CELF2: variants seen among roughly 807,000 people sequenced by gnomAD.
CELF2 encodes the protein CUGBP Elav-like family member 2, also known as CUG triplet repeat RNA-binding protein 2.
CELF2 carries 8 observed loss-of-function variants against 62.6 expected under a neutral mutation model. That is an observed-to-expected ratio of 0.13 (90% CI 0.07 to 0.23). The LOEUF (loss-of-function observed/expected upper bound fraction) is 0.23. Among genes scored for constraint, CELF2 ranks in the 10% least tolerant of loss-of-function variants. The pLI, the probability that CELF2 is intolerant of heterozygous loss-of-function variation, is 1.00. For missense variants in CELF2, 333 were observed against 671.0 expected, an observed-to-expected ratio of 0.50 and a Z score of 5.56; for synonymous variants, 258 against 250.0, an observed-to-expected ratio of 1.03 and a Z score of -0.30.
At chr10:10,975,757 A>T (rs541464868) in intron 2 of CELF2, among the ~76,000 whole-genome samples, 2 of 152,362 alleles carry the variant, frequency 1.3e-5, no homozygotes, top group East Asian at 3.9e-4. Context: ...GCTGGGCTTA[A>T]CCCAGGCGGG....
At chr10:10,785,457 G>T in the CELF2 span, among the ~76,000 whole-genome samples, 1 of 152,166 alleles carries the variant, frequency 6.6e-6, no homozygotes, top group African/African-American at 2.4e-5. Flanking sequence ...CAATAGCCAA[G>T]ATACGGAGTC....
chr10:10,466,734 T>G, the CELF2 span, among the ~76,000 whole-genome samples: 3 of 152,152 alleles, frequency 2.0e-5, no homozygotes, highest in African/African-American at 7.2e-5. Context: ...GTCTTTTCAG[T>G]GTTAGCCATT....
chr10:10,501,429 T>C, the CELF2 span, among the ~76,000 whole-genome samples: 3 of 152,350 alleles, frequency 2.0e-5, no homozygotes, highest in South Asian at 6.2e-4. Flanking sequence ...CTCCTGTCTT[T>C]TGCCCACTTT....
intron 1 of CELF2, among the ~76,000 whole-genome samples, chr10:10,836,880 C>A (rs980305551): frequency 1.3e-5 from 2 of 152,220 alleles, no homozygotes; most frequent in African/African-American, 4.8e-5. Context: ...CGTGATCTGC[C>A]TGCCTTGTCC....
At chr10:10,530,304 A>G in the CELF2 span, among the ~76,000 whole-genome samples, 76,610 of 152,112 alleles carry the variant, frequency 0.5, 19,848 homozygotes, top group South Asian at 0.66. Flanking sequence ...CTCTGCTACA[A>G]GGGTTTGTGA....
At chr10:10,724,472 G>A in the CELF2 span, among the ~76,000 whole-genome samples, 1 of 152,088 alleles carries the variant, frequency 6.6e-6, no homozygotes, top group South Asian at 2.1e-4. Context: ...TGGCCAACAT[G>A]ATGAAACCCC....
At chr10:11,175,078 T>C (rs2070540318) in intron 2 of CELF2, among the ~76,000 whole-genome samples, 2 of 151,204 alleles carry the variant, frequency 1.3e-5, no homozygotes, top group South Asian at 4.1e-4. Flanking sequence ...CCGCCCCAAA[T>C]GCTAAACGTT....
At chr10:10,679,968 G>C in the CELF2 span, among the ~76,000 whole-genome samples, 7 of 152,010 alleles carry the variant, frequency 4.6e-5, no homozygotes, top group Non-Finnish European at 1.5e-5. Context: ...AAAATACTGA[G>C]ATATTATAAA....
Position 11,165,232 on chromosome 10 carries a change from C to T in CELF2, c.75-254C>T, listed in dbSNP as rs1565027810. On this transcript the variant is annotated intron_variant, in intron 1 of 12. Coordinates refer to ENST00000633077, the MANE Select transcript of CELF2 (RefSeq NM_001326342.2). The surrounding 1 kb of genome is among the most constrained non-coding windows in gnomAD (Gnocchi z 7.4). Reference sequence around the variant, plus strand: ...AGATGTCCACGCCCTGGGTGACAGGCGGCAGGGCGCTGCCCCGTGCTCCCC... The same window carrying T: ...AGATGTCCACGCCCTGGGTGACAGGTGGCAGGGCGCTGCCCCGTGCTCCCC... The T allele has an allele frequency of 5.3e-6, 7 of 1,322,500 alleles. No homozygotes were observed. The highest frequency in any genetic ancestry group is 5.8e-6 in the Non-Finnish European group (6 of 1,033,446). 81.9% of individuals were successfully genotyped at this position (1,322,500 alleles called of 1,614,324 possible). A position where few individuals can be genotyped will look rare whatever the true frequency, so the allele number is the denominator to read the frequency against.
At chr10:10,625,335 C>G in the CELF2 span, among the ~76,000 whole-genome samples, 4 of 152,210 alleles carry the variant, frequency 2.6e-5, no homozygotes, top group African/African-American at 9.6e-5. Context: ...TGACCTTGTA[C>G]TACGGGCAGC....
chr10:11,281,160 C>G (rs1333111598), intron 8 of CELF2, among the ~76,000 whole-genome samples: 1 of 152,186 alleles, frequency 6.6e-6, no homozygotes, highest in Non-Finnish European at 1.5e-5. Flanking sequence ...CCACTTGTAT[C>G]TCTTTCAGAT....
chr10:10,564,335 A>G, the CELF2 span, among the ~76,000 whole-genome samples: 2 of 152,196 alleles, frequency 1.3e-5, no homozygotes, highest in Non-Finnish European at 2.9e-5. Flanking sequence ...CACATTTGCC[A>G]GGAAGAGCTG....
the CELF2 span, among the ~76,000 whole-genome samples, chr10:10,734,006 A>C: frequency 6.6e-6 from 1 of 152,234 alleles, no homozygotes; most frequent in Non-Finnish European, 1.5e-5. Context: ...CATTTTATAA[A>C]ACCTCAATAA....
At chr10:10,689,954 C>A in the CELF2 span, among the ~76,000 whole-genome samples, 5 of 152,176 alleles carry the variant, frequency 3.3e-5, no homozygotes, top group African/African-American at 7.2e-5. Context: ...CCAGTCAGAT[C>A]TACATGCAGA....
chr10:11,143,732 T>C (rs939541697), intron 1 of CELF2, among the ~76,000 whole-genome samples: 6 of 151,776 alleles, frequency 4.0e-5, no homozygotes, highest in Non-Finnish European at 8.9e-5. Context: ...AGTATAGACC[T>C]TGCATTAACC....
chr10:10,571,095 T>A, the CELF2 span, among the ~76,000 whole-genome samples: 1 of 152,126 alleles, frequency 6.6e-6, no homozygotes, highest in Admixed American at 6.6e-5. Context: ...GTCGGCCTTT[T>A]CATCAGCCAT....
Position 11,266,645 on chromosome 10 carries a change from A to G in CELF2, c.586A>G (p.Ile196Val). The G allele has an allele frequency of 6.2e-7, 1 of 1,613,994 alleles. No homozygotes were observed. The highest frequency in any genetic ancestry group is 8.5e-7 in the Non-Finnish European group (1 of 1,179,912). The change falls in exon 6 of 13, where the codon ATC becomes GTC. Residue 196 changes from isoleucine (I) to valine (V), a missense_variant. This residue lies in a region of CELF2 where 253 missense variants were observed against 503.0 expected (regional missense o/e 0.50). Transcript: ENST00000633077. ...TACAAGGGCAATGGCACAGAATGCA[A>G]TCAAAGCCATGCATCAGTCTCAGAC... ...FSTRAMAQNA[I>V]KAMHQSQTME...
rs547800623 is a variant in CELF2, at chr10:10,943,299, G to A, written c.89+23300G>A. On this transcript the variant is annotated intron_variant, in intron 2 of 13. Coordinates refer to the CELF2 transcript ENST00000636488. The stretch of plus-strand genomic sequence containing the variant: ...ACCTCTAGCGTTTGGTAAGAGTATC[G>A]CTATCAAGTTGCTACCTGTGAGGGG... Among the ~76,000 whole-genome samples, 24 of 152,244 alleles carry A rather than the reference G, an allele frequency of 1.6e-4. 1 individual carries two copies. Among genetic ancestry groups the A allele is most frequent in the Admixed American group, 4.6e-4 (7 of 15,294 alleles).
the CELF2 span, among the ~76,000 whole-genome samples, chr10:10,688,406 T>C: frequency 6.6e-6 from 1 of 152,204 alleles, no homozygotes; most frequent in Non-Finnish European, 1.5e-5. Context: ...TAACAAATTA[T>C]AACCACTGCC....
Sources: gnomAD v4.1 joint callset for allele counts (sites outside exome capture counted in the v4.1 genomes callset) on GRCh38, gnomAD v4.1.1 for gene constraint, gnomAD v4.1.1 regional missense constraint, Gnocchi (gnomAD v3.1) non-coding constraint, MANE v1.5 for transcripts, NCBI Gene and HGNC (gene_info 2026-07-23, HGNC 2026-07-21) for gene names.